Variants in NELL1 observed in about 807,000 individuals in gnomAD.
NELL1 encodes protein kinase C-binding protein NELL1.
In NELL1, 76 loss-of-function variants were observed where a neutral mutation model predicts 107.4. That is an observed-to-expected ratio of 0.71 (90% CI 0.59 to 0.86). NELL1 has a LOEUF of 0.86. NELL1 is among the 40% of genes least tolerant of loss of function. The pLI is 0.00. For missense variants in NELL1, 1,024 were observed against 1,005.5 expected, an observed-to-expected ratio of 1.02 and a Z score of -0.25; for synonymous variants, 353 against 341.2, an observed-to-expected ratio of 1.03 and a Z score of -0.38.
chr11:21,272,768 C>G (rs1848767679), intron 14 of NELL1, among the ~76,000 whole-genome samples: 1 of 152,212 alleles, frequency 6.6e-6, no homozygotes, highest in Admixed American at 6.5e-5. Context: ...TCTGCAGCCT[C>G]CACTGCTGAT....
intron 14 of NELL1, among the ~76,000 whole-genome samples, chr11:21,276,428 C>T (rs1264758254): frequency 6.6e-6 from 1 of 152,226 alleles, no homozygotes; most frequent in African/African-American, 2.4e-5. Flanking sequence ...ACATTCCATG[C>T]TCATTGGTAG....
chr11:21,168,797 A>G (rs1856540439), intron 13 of NELL1, among the ~76,000 whole-genome samples: 1 of 151,692 alleles, frequency 6.6e-6, no homozygotes, highest in Admixed American at 6.6e-5. Context: ...AATTATGCAT[A>G]TTTTCAATGC....
intron 14 of NELL1, among the ~76,000 whole-genome samples, chr11:21,361,068 G>A (rs1851064858): frequency 6.6e-6 from 1 of 152,188 alleles, no homozygotes; most frequent in African/African-American, 2.4e-5. Flanking sequence ...CCTGTGAAAT[G>A]TATGCTTTAA....
At chr11:21,326,443 T>C (rs1451386855) in intron 14 of NELL1, among the ~76,000 whole-genome samples, 1 of 152,100 alleles carries the variant, frequency 6.6e-6, no homozygotes, top group Non-Finnish European at 1.5e-5. Flanking sequence ...AATGTCTGTG[T>C]CTTCATTGTT....
At chr11:21,167,251 T>C (rs1334007910) in intron 13 of NELL1, among the ~76,000 whole-genome samples, 1 of 151,860 alleles carries the variant, frequency 6.6e-6, no homozygotes, top group African/African-American at 2.4e-5. Flanking sequence ...AGAAGCCACA[T>C]ACTTTTCAGT....
At chr11:20,954,050 A>G (rs1284707590) in intron 11 of NELL1, among the ~76,000 whole-genome samples, 1 of 152,222 alleles carries the variant, frequency 6.6e-6, no homozygotes, top group East Asian at 1.9e-4. Flanking sequence ...CAGTCGGACT[A>G]TGGCTCTGTG....
intron 7 of NELL1, among the ~76,000 whole-genome samples, chr11:20,924,450 A>G (rs1850446658): frequency 6.6e-6 from 1 of 152,226 alleles, no homozygotes; most frequent in Admixed American, 6.5e-5. Context: ...CAGCCTTGAG[A>G]ATAGCATTCA....
At chr11:20,946,870 T>A (rs141150841) in intron 10 of NELL1, among the ~76,000 whole-genome samples, 112 of 152,322 alleles carry the variant, frequency 7.4e-4, no homozygotes, top group South Asian at 2.5e-3. Context: ...TATCACTGGG[T>A]TCACAAAGCC....
intron 16 of NELL1, among the ~76,000 whole-genome samples, chr11:21,542,334 C>G (rs1856311297): frequency 6.6e-6 from 1 of 152,116 alleles, no homozygotes; most frequent in Non-Finnish European, 1.5e-5. Context: ...GCACTGCTTT[C>G]TGGAAGGGAG....
chr11:21,415,486 A>T (rs17233325), intron 15 of NELL1, among the ~76,000 whole-genome samples: 1 of 152,040 alleles, frequency 6.6e-6, no homozygotes, highest in African/African-American at 2.4e-5. Flanking sequence ...ATCTGTATGC[A>T]TCTAGATTAA....
At chr11:21,403,608 A>C (rs769902601) in intron 15 of NELL1, among the ~76,000 whole-genome samples, 235 of 13,836 alleles carry the variant, frequency 0.017, 1 homozygote, top group South Asian at 0.034. Context: ...TAGCTCTTCA[A>C]AAAAAAAAAA....
rs972459833 is a variant in NELL1 at position 21,312,060 on chromosome 11, C to T, written c.1550-58793C>T. 5.9e-4 allele frequency among the ~76,000 whole-genome samples: 89 copies of T among 152,124 alleles called. 1 individual carries two copies. Among genetic ancestry groups the T allele is most frequent in the Non-Finnish European group, 1.0e-4 (7 of 68,014 alleles). ...CAAAAAAGTAGGCCCTTACCAGACA[C>T]TGAATCTGCCAGCACCTTGATTTTG... is the stretch of plus-strand genomic sequence containing the variant. On this transcript the variant is annotated intron_variant, in intron 14 of 19. Transcript: ENST00000357134.
At chr11:20,803,893 C>T (rs1378270488) in intron 3 of NELL1, among the ~76,000 whole-genome samples, 1 of 152,102 alleles carries the variant, frequency 6.6e-6, no homozygotes, top group Non-Finnish European at 1.5e-5. Flanking sequence ...AAAAGAGAGA[C>T]TGGCCTAGCC....
intron 16 of NELL1, among the ~76,000 whole-genome samples, chr11:21,536,393 G>A (rs936464560): frequency 7.2e-5 from 11 of 152,044 alleles, no homozygotes; most frequent in African/African-American, 1.9e-4. Context: ...CTTTATATAC[G>A]TTGTCCCTCT....
At chr11:20,831,925 G>A (rs1858018284) in intron 3 of NELL1, among the ~76,000 whole-genome samples, 1 of 152,202 alleles carries the variant, frequency 6.6e-6, no homozygotes, top group Non-Finnish European at 1.5e-5. Context: ...TAGGCAAATA[G>A]ATTTTATAGA....
intron 2 of NELL1, among the ~76,000 whole-genome samples, chr11:20,779,762 A>C (rs1856819102): frequency 6.6e-6 from 1 of 152,248 alleles, no homozygotes; most frequent in Admixed American, 6.5e-5. Flanking sequence ...CTATGCAGCT[A>C]TGAGCAGGAT....
rs375569483 is a variant in NELL1 at position 21,460,896 on chromosome 11, CT to C, written c.1646-73477del. ...AAATCACTGGGGAAAGGAAACACCC[CT>C]AGCTCCCTCACATTGTGATTGGGGT... On this transcript the variant is annotated intron_variant, in intron 15 of 19. Coordinates refer to ENST00000357134, the MANE Select transcript of NELL1 (RefSeq NM_006157.5). Among the ~76,000 whole-genome samples, 6 of 152,210 alleles carry C rather than the reference CT, an allele frequency of 3.9e-5. 1 individual carries two copies. Among genetic ancestry groups the C allele is most frequent in the African/African-American group, 1.4e-4 (6 of 41,538 alleles).
At chr11:20,756,513 GT>G (rs1162320826) in intron 2 of NELL1, among the ~76,000 whole-genome samples, 1,924 of 112,186 alleles carry the variant, frequency 0.017, 44 homozygotes, top group African/African-American at 0.061. Context: ...CTAATTTTTT[GT>G]AATTTTTTTT....
chr11:20,704,970 G>A (rs968814121), intron 2 of NELL1, among the ~76,000 whole-genome samples: 18 of 152,012 alleles, frequency 1.2e-4, no homozygotes, highest in African/African-American at 3.9e-4. Flanking sequence ...GTGAAGGACC[G>A]CTTCAAGGAG....
Sources: allele counts gnomAD v4.1 joint callset (sites outside exome capture counted in the v4.1 genomes callset), GRCh38; gene constraint gnomAD v4.1.1; transcripts MANE v1.5; gene names NCBI Gene and HGNC (gene_info 2026-07-23, HGNC 2026-07-21).